Variants in RYR2 observed in about 807,000 individuals in gnomAD.
The protein encoded by RYR2 is ryanodine receptor 2.
RYR2 carries 227 observed loss-of-function variants against 601.1 expected under a neutral mutation model. The observed-to-expected ratio is 0.38, with a 90% CI of 0.34 to 0.42. The LOEUF (loss-of-function observed/expected upper bound fraction) is 0.42, where lower values mean the gene tolerates loss of function less well. RYR2 is among the 10% of genes least tolerant of loss of function. The pLI, the probability that RYR2 is intolerant of heterozygous loss-of-function variation, is 1.00. For missense variants in RYR2, 4,646 were observed against 6,156.5 expected (o/e 0.75, Z 8.21); for synonymous variants, 2,223 against 2,175.1 (o/e 1.02, Z -0.61).
intron 8 of RYR2, among the ~76,000 whole-genome samples, 178 bp downstream of exon 8, chr1:237,377,613 G>A (rs1479061298): frequency 2.0e-5 from 3 of 152,174 alleles, no homozygotes; most frequent in African/African-American, 7.2e-5. Context: ...TGATGTGGGT[G>A]CAAATATAGC....
rs779711307 is a variant in RYR2, at chr1:237,819,219, T to C, written c.14590+27T>C. 2.5e-6 allele frequency: 4 copies of C among 1,597,780 alleles called. No individual in the cohort carries two copies. Among genetic ancestry groups the C allele is most frequent in the African/African-American group, 2.7e-5 (2 of 74,650 alleles). On this transcript the variant is annotated intron_variant, in intron 101 of 104. Coordinates refer to ENST00000366574, the MANE Select transcript of RYR2 (RefSeq NM_001035.3). This position sits in a 1 kb window ranked among gnomAD's most constrained non-coding sequence, Gnocchi z 4.0. ...TAAGTATCCTCCTCACTGAAGCTGA[T>C]GAACATCTAGAATTTGAGCCACATG...
chr1:237,570,237 G>C (rs1477080930), intron 29 of RYR2, among the ~76,000 whole-genome samples: 1 of 150,196 alleles, frequency 6.7e-6, no homozygotes, highest in Non-Finnish European at 1.5e-5. Context: ...AAAAAAGATG[G>C]AAGGTGTTGG....
chr1:237,055,293 G>A (rs1661847326), intron 1 of RYR2, among the ~76,000 whole-genome samples: 1 of 152,096 alleles, frequency 6.6e-6, no homozygotes. Context: ...AAGGTAAAAG[G>A]GGCCCTGGAA....
At chr1:237,570,136 C>G (rs542784498) in intron 29 of RYR2, among the ~76,000 whole-genome samples, 1 of 149,940 alleles carries the variant, frequency 6.7e-6, no homozygotes, top group South Asian at 2.1e-4. Flanking sequence ...GAGAATTGCT[C>G]GAACCCAGGA....
rs34623856 is a variant in RYR2, at chr1:237,264,091, GCACA to G, written c.49-6383_49-6380del. On this transcript the variant is annotated intron_variant, in intron 1 of 104. Transcript: ENST00000366574. ...TAAATGTACAAACACACATGCACAT[GCACA>G]CACACACACACACACACACACAGGT... 8.0e-4 allele frequency among the ~76,000 whole-genome samples: 118 copies of G among 147,508 alleles called. No individual in the cohort carries two copies. The Middle Eastern group carries it at 0.014, about 17-fold the overall frequency.
At chr1:237,306,620 C>T (rs1044047456) in intron 2 of RYR2, among the ~76,000 whole-genome samples, 2 of 150,810 alleles carry the variant, frequency 1.3e-5, no homozygotes, top group African/African-American at 5.0e-5. Context: ...CATCTTTCTC[C>T]TGATATCAGC....
intron 56 of RYR2, among the ~76,000 whole-genome samples, chr1:237,663,583 C>A (rs1684008881): frequency 6.6e-6 from 1 of 152,140 alleles, no homozygotes; most frequent in South Asian, 2.1e-4. Context: ...AACTGGTTAA[C>A]CTCTGTATGC....
In RYR2 at chr1:237,717,320, C is replaced by G; in HGVS notation, c.10446C>G (p.Ala3482=). The change falls in exon 72 of 105, where the codon GCC becomes GCG. Residue 3482 remains alanine (A), a synonymous_variant. Transcript: ENST00000366574. ...RLLPIGLNIC[A]PGDQELIALA... ...TGCCCATTGGGTTGAACATCTGTGC[C>G]CCTGGGGACCAGGAGCTCATTGCTC... is the stretch of plus-strand genomic sequence containing the variant. The G allele has an allele frequency of 1.2e-6, 2 of 1,611,784 alleles. No individual in the cohort carries two copies. The highest frequency in any genetic ancestry group is 1.7e-6 in the Non-Finnish European group (2 of 1,178,578).
chr1:237,396,694 A>G (rs1702888021), intron 10 of RYR2, among the ~76,000 whole-genome samples: 1 of 152,162 alleles, frequency 6.6e-6, no homozygotes, highest in Non-Finnish European at 1.5e-5. Context: ...CTTGAACAGA[A>G]AGGAAAGAGG....
intron 97 of RYR2, among the ~76,000 whole-genome samples, chr1:237,799,649 T>G (rs568542882): frequency 1.3e-5 from 2 of 152,324 alleles, no homozygotes; most frequent in South Asian, 4.1e-4. Flanking sequence ...ACATATAATG[T>G]CTCTTTACTA....
intron 12 of RYR2, among the ~76,000 whole-genome samples, chr1:237,439,029 C>T (rs1707657308): frequency 6.6e-6 from 1 of 152,186 alleles, no homozygotes; most frequent in Non-Finnish European, 1.5e-5. Context: ...AGATATGGTA[C>T]AGCTAATACA....
chr1:237,642,243 T>G (rs1278394076), intron 47 of RYR2, among the ~76,000 whole-genome samples: 1 of 152,214 alleles, frequency 6.6e-6, no homozygotes, highest in Non-Finnish European at 1.5e-5. Context: ...AGGTTAAAAC[T>G]TCCTTGATGT....
Position 237,783,882 on chromosome 1 carries a change from A to C in RYR2, c.12170A>C (p.His4057Pro). The C allele has an allele frequency of 6.2e-7, 1 of 1,613,796 alleles. No homozygotes were observed. Among genetic ancestry groups the C allele is most frequent in the Non-Finnish European group, 8.5e-7 (1 of 1,179,808 alleles). ...DFHKAMESHK[H>P]YTQSETEFLL... The stretch of plus-strand genomic sequence containing the variant: ...CACAAAGCGATGGAGAGCCATAAGC[A>C]CTACACGCAGTCAGAAACGGAATTT... The change falls in exon 90 of 105, where the codon CAC (histidine) becomes CCC (proline). Residue 4057 changes from histidine to proline, a missense_variant. Physicochemically the swap from His to Pro is moderately conservative, Grantham distance 77. Transcript: ENST00000366574.
intron 72 of RYR2, 40 bp downstream of exon 72, chr1:237,717,408 C>T: frequency 6.8e-7 from 1 of 1,478,192 alleles, no homozygotes; most frequent in East Asian, 2.3e-5. Flanking sequence ...GATCATCTGA[C>T]CTCCAGACTC....
At chr1:237,715,665 A>G (rs948588264) in intron 71 of RYR2, among the ~76,000 whole-genome samples, 4 of 152,324 alleles carry the variant, frequency 2.6e-5, no homozygotes, top group African/African-American at 7.2e-5. Context: ...TCTAACACCA[A>G]TAAATTTAGA....
chr1:237,671,638 T>C (rs553160558), intron 58 of RYR2, among the ~76,000 whole-genome samples: 2 of 152,048 alleles, frequency 1.3e-5, no homozygotes, highest in Non-Finnish European at 2.9e-5. Flanking sequence ...TCTTCTCTTT[T>C]ATCATCCCTG....
At chr1:237,679,292 G>A (rs1421175521) in intron 61 of RYR2, among the ~76,000 whole-genome samples, 1 of 152,136 alleles carries the variant, frequency 6.6e-6, no homozygotes, top group Non-Finnish European at 1.5e-5. Context: ...GATGCTTAAT[G>A]TGGCTTAATT....
At chr1:237,055,493 G>A (rs930867668) in intron 1 of RYR2, among the ~76,000 whole-genome samples, 1 of 152,096 alleles carries the variant, frequency 6.6e-6, no homozygotes, top group Non-Finnish European at 1.5e-5. Flanking sequence ...AATTTGGGTG[G>A]TAGTTGTGGG....
chr1:237,208,969 T>C (rs1572207988), intron 1 of RYR2, among the ~76,000 whole-genome samples: 1 of 109,314 alleles, frequency 9.1e-6, no homozygotes, highest in African/African-American at 3.1e-5. Flanking sequence ...TATATATATA[T>C]ATATATATAT....
Sources: gnomAD v4.1 joint callset for allele counts (sites outside exome capture counted in the v4.1 genomes callset) on GRCh38, gnomAD v4.1.1 for gene constraint, Gnocchi (gnomAD v3.1) non-coding constraint, MANE v1.5 for transcripts, NCBI Gene and HGNC (gene_info 2026-07-23, HGNC 2026-07-21) for gene names.